The following SORCS2 variants were observed in gnomAD, a reference collection of about 807,000 sequenced individuals.
SORCS2 encodes the protein sortilin related VPS10 domain containing receptor 2, also known as VPS10 domain-containing receptor SorCS2.
Under a neutral mutation model 141.6 loss-of-function variants are expected in SORCS2, and 100 were observed. The ratio of observed to expected loss-of-function variants is 0.71; its 90% confidence interval spans 0.60 to 0.83. SORCS2 has a LOEUF of 0.83. SORCS2 is among the 40% of genes least tolerant of loss of function. The pLI, the probability that SORCS2 is intolerant of heterozygous loss-of-function variation, is 0.00. For synonymous variants in SORCS2, 789 were observed against 676.9 expected (o/e 1.17, Z -2.57); for missense variants, 1,646 against 1,560.2 (o/e 1.05, Z -0.93).
chr4:7,645,525 G>A (rs1193892281), intron 4 of SORCS2, among the ~76,000 whole-genome samples: 2 of 152,034 alleles, frequency 1.3e-5, no homozygotes, highest in Non-Finnish European at 2.9e-5. Context: ...GAAGTGAGGT[G>A]GCATTCAACA....
At chr4:7,635,770 C>G (rs558965295) in intron 3 of SORCS2, among the ~76,000 whole-genome samples, 1 of 152,196 alleles carries the variant, frequency 6.6e-6, no homozygotes, top group Admixed American at 6.5e-5. Context: ...CACACACCTT[C>G]GTCCGCATTT....
chr4:7,371,311 C>T lies in SORCS2; in HGVS notation c.481-24977C>T, dbSNP rs572964080. Among the ~76,000 whole-genome samples the T allele has an allele frequency of 3.3e-5, 5 of 152,318 alleles. No homozygotes were observed. In the East Asian group the frequency reaches 7.7e-4, roughly 24 times the overall value. ...GTGGTGGATCGGCCTCTGCTTCTAA[C>T]CTGGAGCACATCTGAAGTGACGCTG... is the stretch of plus-strand genomic sequence containing the variant. On this transcript the variant is annotated intron_variant, in intron 1 of 26. Coordinates refer to ENST00000507866, the MANE Select transcript of SORCS2 (RefSeq NM_020777.3).
intron 3 of SORCS2, among the ~76,000 whole-genome samples, chr4:7,588,422 C>T (rs1446077826): frequency 1.3e-5 from 2 of 152,170 alleles, no homozygotes; most frequent in South Asian, 4.1e-4. Context: ...TCCTTGGGGG[C>T]TGGGTTTCTG....
chr4:7,632,014 C>A (rs1174800620), intron 3 of SORCS2, among the ~76,000 whole-genome samples: 2 of 152,178 alleles, frequency 1.3e-5, no homozygotes, highest in Non-Finnish European at 2.9e-5. Flanking sequence ...GGGAGAAAAG[C>A]CGTCTGTGTG....
At chr4:7,410,909 C>T (rs948781884) in intron 2 of SORCS2, among the ~76,000 whole-genome samples, 2 of 148,696 alleles carry the variant, frequency 1.3e-5, no homozygotes, top group Non-Finnish European at 3.0e-5. Flanking sequence ...GACTTCTCAG[C>T]ATTCCTAGCC....
chr4:7,502,272 C>T (rs1228372757), intron 2 of SORCS2, among the ~76,000 whole-genome samples: 3 of 152,190 alleles, frequency 2.0e-5, no homozygotes, highest in East Asian at 1.9e-4. Context: ...GAAGCCAGCA[C>T]GAGGCTTCGC....
chr4:7,411,907 C>T (rs1725346296), intron 2 of SORCS2, among the ~76,000 whole-genome samples: 1 of 152,216 alleles, frequency 6.6e-6, no homozygotes, highest in South Asian at 2.1e-4. Context: ...AGCTGCCCTC[C>T]CTACATAGTG....
At position 7,224,158 on chromosome 4, in the gene SORCS2, T is replaced by C. The variant is rs1577295274; in HGVS notation, c.480+31032T>C. The stretch of plus-strand genomic sequence containing the variant: ...AGATCCAGATCCATCTGCTGGGAAG[T>C]CTCCAGGAAGCTTGGCTCTGCCCAG... On this transcript the variant is annotated intron_variant, in intron 1 of 26. Transcript: ENST00000507866. Among the ~76,000 whole-genome samples the C allele has an allele frequency of 3.9e-5, 6 of 151,904 alleles. 1 individual carries two copies. The East Asian group carries it at 1.2e-3, about 29-fold the overall frequency.
chr4:7,537,267 C>T (rs1054638813), intron 3 of SORCS2, among the ~76,000 whole-genome samples: 55 of 152,184 alleles, frequency 3.6e-4, no homozygotes, highest in Non-Finnish European at 6.5e-4. Flanking sequence ...CTCTCCAAAC[C>T]CCCTTCAAGC....
chr4:7,302,780 TGTGTGTGTGC>T (rs1717520416), intron 1 of SORCS2, among the ~76,000 whole-genome samples: 1 of 151,194 alleles, frequency 6.6e-6, no homozygotes, highest in Non-Finnish European at 1.5e-5. Flanking sequence ...TGTGTGTGTG[TGTGTGTGTGC>T]GCGCGCGTGT....
intron 1 of SORCS2, among the ~76,000 whole-genome samples, chr4:7,257,514 G>A (rs56220002): frequency 0.45 from 68,424 of 151,824 alleles, 17,270 homozygotes; most frequent in Non-Finnish European, 0.57. Flanking sequence ...GCCAAGATTC[G>A]CACATTTTAA....
At position 7,280,825 on chromosome 4, in the gene SORCS2, A is replaced by G. The variant is rs139082032; in HGVS notation, c.480+87699A>G. On this transcript the variant is annotated intron_variant, in intron 1 of 26. Transcript: ENST00000507866. ...TGCGCTACAATGAATGAATGAATGCATGAATGATATAACCCAAGTACAGTG... is the reference window on the plus strand; with the variant it reads ...TGCGCTACAATGAATGAATGAATGCGTGAATGATATAACCCAAGTACAGTG... Among the ~76,000 whole-genome samples the G allele has an allele frequency of 3.8e-4, 58 of 152,378 alleles. No individual in the cohort carries two copies. The East Asian group carries it at 0.011, about 28-fold the overall frequency.
intron 2 of SORCS2, among the ~76,000 whole-genome samples, chr4:7,480,195 A>G (rs930316017): frequency 2.0e-5 from 3 of 152,346 alleles, no homozygotes; most frequent in South Asian, 2.1e-4. Context: ...GCCCTGAAGC[A>G]GGGACATGTC....
At chr4:7,325,189 A>G (rs1719171236) in intron 1 of SORCS2, among the ~76,000 whole-genome samples, 1 of 151,552 alleles carries the variant, frequency 6.6e-6, no homozygotes, top group Non-Finnish European at 1.5e-5. Flanking sequence ...ACTGGGGAGT[A>G]GGTGGGGGGC....
chr4:7,683,960 C>G (rs1036330736), intron 10 of SORCS2, among the ~76,000 whole-genome samples: 1 of 152,158 alleles, frequency 6.6e-6, no homozygotes, highest in Non-Finnish European at 1.5e-5. Flanking sequence ...CTGGTCCTAG[C>G]TAAGGTGAGC....
intron 2 of SORCS2, among the ~76,000 whole-genome samples, chr4:7,500,233 C>T (rs1731881931): frequency 6.6e-6 from 1 of 152,096 alleles, no homozygotes; most frequent in African/African-American, 2.4e-5. Flanking sequence ...GCCCGTGGAG[C>T]CCCCGGGAGT....
chr4:7,684,243 C>G (rs1184303916), intron 10 of SORCS2, among the ~76,000 whole-genome samples: 1 of 152,210 alleles, frequency 6.6e-6, no homozygotes, highest in Non-Finnish European at 1.5e-5. Flanking sequence ...GCTACATCAA[C>G]CAGTGCCTCT....
At chr4:7,677,597 C>T (rs1452625393) in intron 9 of SORCS2, among the ~76,000 whole-genome samples, 1 of 150,080 alleles carries the variant, frequency 6.7e-6, no homozygotes, top group Non-Finnish European at 1.5e-5. Flanking sequence ...GGGAGAGTGT[C>T]CCGTGGGTGG....
chr4:7,521,885 G>A (rs1441427670), intron 2 of SORCS2, among the ~76,000 whole-genome samples: 2 of 152,230 alleles, frequency 1.3e-5, no homozygotes, highest in East Asian at 3.9e-4. Flanking sequence ...CAGCTGTTAG[G>A]GACACAGCGG....
Sources: allele counts gnomAD v4.1 joint callset (sites outside exome capture counted in the v4.1 genomes callset), GRCh38; gene constraint gnomAD v4.1.1; transcripts MANE v1.5; gene names NCBI Gene and HGNC (gene_info 2026-07-23, HGNC 2026-07-21).